DOCK9: variants seen among roughly 807,000 people sequenced by gnomAD.
DOCK9 encodes the protein dedicator of cytokinesis 9.
A neutral mutation model predicts 263.3 loss-of-function variants in DOCK9; 89 were observed. That is an observed-to-expected ratio of 0.34 (90% CI 0.28 to 0.40). DOCK9 has a LOEUF of 0.40. DOCK9 is among the 10% of genes least tolerant of loss of function. DOCK9 has a pLI of 1.00. For synonymous variants in DOCK9, 976 were observed against 973.1 expected (o/e 1.00, Z -0.06); for missense variants, 2,140 against 2,603.4 (o/e 0.82, Z 3.87).
At chr13:98,949,856 GA>G in intron 2 of DOCK9, 1 of 482,526 alleles carries the variant, frequency 2.1e-6, no homozygotes, top group Non-Finnish European at 4.1e-6. Context: ...AGATCTCCTG[GA>G]AATACTTCCC....
chr13:98,888,223 C>T lies in DOCK9; in HGVS notation c.1978G>A (p.Ala660Thr), dbSNP rs774589230. The change falls in exon 18 of 53, where the codon GCT (alanine) becomes ACT (threonine). Residue 660 changes from alanine (A) to threonine (T), a missense_variant and splice_region_variant. Ala to Thr is a moderately conservative substitution (Grantham distance 58). This residue lies in a region of DOCK9 where 1,521 missense variants were observed against 1,741.7 expected (regional missense o/e 0.87). Coordinates refer to ENST00000682017, the MANE Select transcript of DOCK9 (RefSeq NM_001366683.2). ...KYDSQKSFAK[A>T]RNIAICIEFK... ...TCAATGCAAATCGCAATATTTCTAG[C>T]CTGCAGCAATAAACAAAACAGAATA... 3.1e-6 allele frequency: 5 copies of T among 1,610,636 alleles called. No individual in the cohort carries two copies. The highest frequency in any genetic ancestry group is 4.2e-6 in the Non-Finnish European group (5 of 1,178,376).
intron 39 of DOCK9, 21 bp downstream of exon 39, chr13:98,837,473 G>C (rs749875658): frequency 2.8e-5 from 44 of 1,555,616 alleles, no homozygotes; most frequent in Non-Finnish European, 3.7e-5. Context: ...CTAGAACCAC[G>C]AACAGCAAAT....
chr13:98,846,372 G>A, intron 37 of DOCK9: 2 of 633,466 alleles, frequency 3.2e-6, no homozygotes, highest in Non-Finnish European at 5.1e-6. Flanking sequence ...TCTGACGACT[G>A]TCAAAACGTC....
intron 7 of DOCK9, among the ~76,000 whole-genome samples, chr13:98,919,264 C>T (rs2051450769): frequency 6.6e-6 from 1 of 152,106 alleles, no homozygotes; most frequent in African/African-American, 2.4e-5. Context: ...CACCCACCAC[C>T]ACGCCTGGCT....
At chr13:98,888,273 T>C in intron 17 of DOCK9, 50 bp from the exon 18 acceptor site, 1 of 1,601,296 alleles carries the variant, frequency 6.2e-7, no homozygotes, top group Non-Finnish European at 8.5e-7. Context: ...AAAGTCAGAC[T>C]ATGTAAGTAT....
intron 1 of DOCK9, among the ~76,000 whole-genome samples, chr13:99,002,445 TC>T (rs1384162875): frequency 6.6e-6 from 1 of 152,146 alleles, no homozygotes; most frequent in Non-Finnish European, 1.5e-5. Flanking sequence ...GGCAACGTCC[TC>T]CCCACCCACA....
At chr13:99,068,997 T>G (rs955888517) in intron 1 of DOCK9, among the ~76,000 whole-genome samples, 2 of 152,238 alleles carry the variant, frequency 1.3e-5, no homozygotes, top group Non-Finnish European at 2.9e-5. Context: ...TGCAACTCTT[T>G]CTATAATAAT....
At position 98,840,744 on chromosome 13, in the gene DOCK9, C is replaced by T. The variant is rs73555186; in HGVS notation, c.4199-3135G>A. Among the ~76,000 whole-genome samples the T allele has an allele frequency of 7.7e-3, 1,169 of 152,260 alleles. 18 individuals carry two copies. Among genetic ancestry groups the T allele is most frequent in the African/African-American group, 0.027 (1,130 of 41,548 alleles). On this transcript the variant is annotated intron_variant, in intron 38 of 52. Coordinates refer to ENST00000682017, the MANE Select transcript of DOCK9 (RefSeq NM_001366683.2). Reference sequence around the variant, plus strand: ...TTGGGATAGAAGAGTAGGTCAGAGACGTATTCCTATAGGGGGCACTTCCAT... The same window carrying T: ...TTGGGATAGAAGAGTAGGTCAGAGATGTATTCCTATAGGGGGCACTTCCAT...
chr13:99,047,662 G>A (rs1392636075), intron 1 of DOCK9, among the ~76,000 whole-genome samples: 1 of 151,858 alleles, frequency 6.6e-6, no homozygotes, highest in South Asian at 2.1e-4. Context: ...GGGACTACAG[G>A]TGCACACCAC....
chr13:98,924,928 G>A (rs1210490611), intron 4 of DOCK9, among the ~76,000 whole-genome samples: 1 of 152,118 alleles, frequency 6.6e-6, no homozygotes, highest in Non-Finnish European at 1.5e-5. Flanking sequence ...ACTTTGGGAG[G>A]CAGAGGCAGG....
At position 98,824,475 on chromosome 13, in the gene DOCK9, T is replaced by C. The variant is rs775449633; in HGVS notation, c.5053A>G (p.Arg1685Gly). ...TCGTCGATGTTTGGGGTAATGACCC[T>C]GAAGGCGGTGCATCCTTGTCTAAAC... ...GVFRQGCTAF[R>G]VITPNIDEEA... The change falls in exon 45 of 53, where the codon AGG becomes GGG. Residue 1685 changes from arginine (R) to glycine (G), a missense_variant. Coordinates refer to ENST00000682017, the MANE Select transcript of DOCK9 (RefSeq NM_001366683.2). 1.2e-6 allele frequency: 2 copies of C among 1,613,820 alleles called. No homozygotes were observed. Among genetic ancestry groups the C allele is most frequent in the East Asian group, 2.2e-5 (1 of 44,882 alleles).
At chr13:98,896,357 T>A (rs1402925286) in intron 15 of DOCK9, among the ~76,000 whole-genome samples, 1 of 152,146 alleles carries the variant, frequency 6.6e-6, no homozygotes, top group African/African-American at 2.4e-5. Flanking sequence ...ATTGAGCCTG[T>A]TTCTATGACT....
intron 30 of DOCK9, among the ~76,000 whole-genome samples, chr13:98,866,238 T>C (rs1459136592): frequency 6.6e-6 from 1 of 152,160 alleles, no homozygotes; most frequent in Non-Finnish European, 1.5e-5. Context: ...GGGATTGTCA[T>C]CCAGGTGTAT....
At chr13:98,849,979 T>C in intron 36 of DOCK9, 68 bp downstream of exon 36, 1 of 1,137,144 alleles carries the variant, frequency 8.8e-7, no homozygotes, top group Non-Finnish European at 1.3e-6. Flanking sequence ...AACTACATAG[T>C]ATTCTTCAAG....
At chr13:98,833,476 G>A (rs745706881) in intron 39 of DOCK9, among the ~76,000 whole-genome samples, 8 of 152,100 alleles carry the variant, frequency 5.3e-5, no homozygotes, top group South Asian at 2.1e-4. Flanking sequence ...TGTTTCTAAT[G>A]TTTCTCCACC....
Position 98,895,395 on chromosome 13 carries a change from G to A in DOCK9, c.1709+2093C>T, listed in dbSNP as rs138701591. On this transcript the variant is annotated intron_variant, in intron 15 of 52. Coordinates refer to ENST00000682017, the MANE Select transcript of DOCK9 (RefSeq NM_001366683.2). The stretch of plus-strand genomic sequence containing the variant: ...AAATGTTCCCCCCTAGGCTGGGCAC[G>A]GTGGCTCATGCCTGTAATCCCAGCA... 4.0e-3 allele frequency among the ~76,000 whole-genome samples: 604 copies of A among 152,178 alleles called. 4 individuals are homozygous for A. Among genetic ancestry groups the A allele is most frequent in the African/African-American group, 0.014 (569 of 41,504 alleles).
In DOCK9 at chr13:98,797,371, G is replaced by A; in HGVS notation, c.6017+18C>T. On this transcript the variant is annotated intron_variant, in intron 51 of 52. Coordinates refer to ENST00000682017, the MANE Select transcript of DOCK9 (RefSeq NM_001366683.2). ...GATCAATACTCGAAGAGAAAAAGAT[G>A]CTTTCAGTGTGCTTTACCTGAAAAC... The A allele has an allele frequency of 1.2e-6, 2 of 1,610,964 alleles. No homozygotes were observed.
rs1454648590 is a variant in DOCK9 at position 98,829,669 on chromosome 13, A to T, written c.4723T>A (p.Cys1575Ser). 3 of 1,608,454 alleles carry T rather than the reference A, an allele frequency of 1.9e-6. No individual in the cohort carries two copies. Among genetic ancestry groups the T allele is most frequent in the Non-Finnish European group, 2.5e-6 (3 of 1,177,444 alleles). ...FQQSLSIINN[C>S]ANSDRLIKHT... ...TTAATAAGCCGGTCACTGTTGGCAC[A>T]GTTGTTGATGATGGACAGGGACTGC... The change falls in exon 42 of 53, where the codon TGT becomes AGT. Residue 1575 changes from cysteine (C) to serine (S), a missense_variant. By Grantham distance (112) the Cys-to-Ser change is moderately radical. Around this residue, in one of 2 missense-constraint regions of DOCK9, gnomAD observed 619 missense variants for 861.8 expected, o/e 0.72. Coordinates refer to ENST00000682017, the MANE Select transcript of DOCK9 (RefSeq NM_001366683.2). The surrounding 1 kb of genome is among the most constrained non-coding windows in gnomAD (Gnocchi z 4.1).
chr13:98,813,846 G>A (rs1213454152), intron 45 of DOCK9, among the ~76,000 whole-genome samples: 1 of 151,990 alleles, frequency 6.6e-6, no homozygotes, highest in African/African-American at 2.4e-5. Context: ...TCTCCATGTT[G>A]GTCAGGCTGG....
Sources: allele counts gnomAD v4.1 joint callset (sites outside exome capture counted in the v4.1 genomes callset), GRCh38; gene constraint gnomAD v4.1.1; regional missense constraint gnomAD v4.1.1; non-coding constraint Gnocchi (gnomAD v3.1); transcripts MANE v1.5; gene names NCBI Gene and HGNC (gene_info 2026-07-23, HGNC 2026-07-21).